GABRG3: variants seen among roughly 807,000 people sequenced by gnomAD.
The protein encoded by GABRG3 is gamma-aminobutyric acid receptor subunit gamma-3.
Under a neutral mutation model 48.8 loss-of-function variants are expected in GABRG3, and 25 were observed. That is an observed-to-expected ratio of 0.51 (90% confidence interval 0.37 to 0.72). GABRG3 has a LOEUF of 0.72. GABRG3 is among the 30% of genes least tolerant of loss of function. GABRG3 has a pLI of 0.00. For synonymous variants in GABRG3, 227 were observed against 217.6 expected, an observed-to-expected ratio of 1.04 and a Z score of -0.38; for missense variants, 394 against 577.9, an observed-to-expected ratio of 0.68 and a Z score of 3.26.
intron 3 of GABRG3, among the ~76,000 whole-genome samples, chr15:27,111,622 TG>T (rs1897551086): frequency 6.6e-6 from 1 of 152,174 alleles, no homozygotes; most frequent in Admixed American, 6.5e-5. Context: ...CCTTTGGATT[TG>T]GGTCTCTCCT....
chr15:27,470,287 G>A lies in GABRG3; in HGVS notation c.575-10363G>A, dbSNP rs188221382. Among the ~76,000 whole-genome samples, 303 of 149,014 alleles carry A rather than the reference G, an allele frequency of 2.0e-3. 1 individual carries two copies. The highest frequency in any genetic ancestry group is 6.7e-3 in the African/African-American group (273 of 40,448). On this transcript the variant is annotated intron_variant, in intron 5 of 9. Coordinates refer to ENST00000615808, the MANE Select transcript of GABRG3 (RefSeq NM_033223.5). ...GCGGAGTCTCGCTCTGTAATGGCGC[G>A]ATCTTAGCTCACTGCAACCTCCGCC...
At chr15:27,028,954 C>A (rs1487325234) in intron 3 of GABRG3, among the ~76,000 whole-genome samples, 1 of 152,114 alleles carries the variant, frequency 6.6e-6, no homozygotes, top group Non-Finnish European at 1.5e-5. Flanking sequence ...GAGAAACGAC[C>A]TTAGAATGGC....
At chr15:27,162,176 T>C (rs765057976) in intron 3 of GABRG3, among the ~76,000 whole-genome samples, 7 of 152,146 alleles carry the variant, frequency 4.6e-5, no homozygotes, top group Non-Finnish European at 1.0e-4. Flanking sequence ...GAATTGTATA[T>C]TATGACATAT....
intron 3 of GABRG3, among the ~76,000 whole-genome samples, chr15:27,035,530 C>T (rs578083667): frequency 1.3e-5 from 2 of 152,208 alleles, no homozygotes; most frequent in South Asian, 2.1e-4. Flanking sequence ...ACAAGAGCAC[C>T]GTCTTTATGT....
intron 5 of GABRG3, among the ~76,000 whole-genome samples, chr15:27,374,231 C>T (rs1360678444): frequency 1.4e-5 from 2 of 146,364 alleles, no homozygotes; most frequent in Non-Finnish European, 3.0e-5. Context: ...TCCTCAGGCT[C>T]AGGTGATCCC....
At chr15:27,233,400 G>A (rs1889859191) in intron 3 of GABRG3, among the ~76,000 whole-genome samples, 1 of 152,106 alleles carries the variant, frequency 6.6e-6, no homozygotes, top group Admixed American at 6.6e-5. Context: ...ATAGAGTGGG[G>A]GCTTGCAAGC....
intron 2 of GABRG3, among the ~76,000 whole-genome samples, chr15:27,014,059 G>A (rs1411646220): frequency 6.6e-6 from 1 of 152,040 alleles, no homozygotes; most frequent in African/African-American, 2.4e-5. Context: ...AGTTTTTGGT[G>A]TATAAGTCCT....
intron 3 of GABRG3, among the ~76,000 whole-genome samples, chr15:27,041,210 T>A (rs537896988): frequency 9.3e-4 from 141 of 152,252 alleles, no homozygotes; most frequent in African/African-American, 3.1e-3. Flanking sequence ...TGAGGCAGGG[T>A]CTCTCTGTGT....
intron 2 of GABRG3, among the ~76,000 whole-genome samples, chr15:27,015,518 G>A (rs1895762873): frequency 1.3e-5 from 2 of 151,518 alleles, no homozygotes; most frequent in Admixed American, 6.6e-5. Context: ...CCGAGTAGCT[G>A]GGACTACAGG....
intron 5 of GABRG3, among the ~76,000 whole-genome samples, chr15:27,476,381 G>A (rs201053276): frequency 2.8e-5 from 4 of 140,930 alleles, no homozygotes; most frequent in African/African-American, 1.0e-4. Context: ...AAAAATGTGT[G>A]TAAAGAACTT....
intron 5 of GABRG3, among the ~76,000 whole-genome samples, chr15:27,441,644 A>G (rs973929132): frequency 7.2e-5 from 11 of 152,120 alleles, no homozygotes; most frequent in African/African-American, 2.7e-4. Context: ...GGGTCTTCCA[A>G]TCTACCCTGA....
At chr15:27,230,701 G>A (rs1182048937) in intron 3 of GABRG3, among the ~76,000 whole-genome samples, 1 of 151,936 alleles carries the variant, frequency 6.6e-6, no homozygotes, top group Non-Finnish European at 1.5e-5. Flanking sequence ...ACCCTCTTTG[G>A]AATAGCTGCC....
intron 5 of GABRG3, among the ~76,000 whole-genome samples, chr15:27,350,959 T>C: frequency 6.6e-6 from 1 of 151,392 alleles, no homozygotes; most frequent in Non-Finnish European, 1.5e-5. Context: ...TGTGTGTGCA[T>C]ATGGTGTGTG....
chr15:27,164,849 T>C (rs2140406525), intron 3 of GABRG3, among the ~76,000 whole-genome samples: 1 of 152,336 alleles, frequency 6.6e-6, no homozygotes, highest in Non-Finnish European at 1.5e-5. Context: ...TACACATTCG[T>C]TAGTTCTTTA....
At chr15:27,500,402 C>T (rs1404777295) in intron 6 of GABRG3, among the ~76,000 whole-genome samples, 1 of 151,310 alleles carries the variant, frequency 6.6e-6, no homozygotes, top group Admixed American at 6.6e-5. Context: ...CTGTCAGCTA[C>T]GTTTCCCACC....
intron 3 of GABRG3, among the ~76,000 whole-genome samples, chr15:27,076,196 C>T (rs1870588909): frequency 6.6e-6 from 1 of 152,142 alleles, no homozygotes; most frequent in African/African-American, 2.4e-5. Context: ...TCTAGACCTT[C>T]TCCCCAGTCC....
intron 3 of GABRG3, among the ~76,000 whole-genome samples, chr15:27,220,991 C>T (rs12593028): frequency 0.011 from 1,611 of 149,096 alleles, 37 homozygotes; most frequent in African/African-American, 0.038. Flanking sequence ...GGAATTGCTT[C>T]TTTTTTTTTT....
chr15:27,308,611 A>G lies in GABRG3; in HGVS notation c.271-18198A>G, dbSNP rs574055791. ...ATTTATATATAAACATAATGTAAAC[A>G]TACGCTTATATATAAACATATAATG... On this transcript the variant is annotated intron_variant, in intron 3 of 9. Coordinates refer to ENST00000615808, the MANE Select transcript of GABRG3 (RefSeq NM_033223.5). Among the ~76,000 whole-genome samples the G allele has an allele frequency of 5.6e-3, 679 of 120,546 alleles. 1 individual carries two copies. Among genetic ancestry groups the G allele is most frequent in the Middle Eastern group, 0.012 (1 of 84 alleles). The allele number at this position is 120,546 out of a possible 152,430, so 79.1% of individuals were successfully genotyped here.
At chr15:27,087,756 T>C (rs1414449440) in intron 3 of GABRG3, among the ~76,000 whole-genome samples, 1 of 151,818 alleles carries the variant, frequency 6.6e-6, no homozygotes, top group Non-Finnish European at 1.5e-5. Flanking sequence ...TGTGCTGTAG[T>C]GTGTGGTGTG....
Sources: allele counts gnomAD v4.1 joint callset (sites outside exome capture counted in the v4.1 genomes callset), GRCh38; gene constraint gnomAD v4.1.1; transcripts MANE v1.5; gene names NCBI Gene and HGNC (gene_info 2026-07-23, HGNC 2026-07-21).